SGCD: variants seen among roughly 807,000 people sequenced by gnomAD.
The protein encoded by SGCD is sarcoglycan delta.
In SGCD, 18 loss-of-function variants were observed where a neutral mutation model predicts 36.6. The observed-to-expected ratio is 0.49, with a 90% confidence interval of 0.34 to 0.73. The LOEUF is 0.73. SGCD is among the 30% of genes least tolerant of loss of function. The pLI is 0.01. For missense variants in SGCD, 387 were observed against 346.7 expected, an observed-to-expected ratio of 1.12 and a Z score of -0.92; for synonymous variants, 133 against 130.6, an observed-to-expected ratio of 1.02 and a Z score of -0.12.
At chr5:156,309,976 A>G (rs892030455) in intron 3 of SGCD, among the ~76,000 whole-genome samples, 5 of 152,138 alleles carry the variant, frequency 3.3e-5, no homozygotes, top group Non-Finnish European at 7.3e-5. Flanking sequence ...TCTAATAATG[A>G]GGAAAATCTG....
chr5:155,979,759 G>T (rs1176993745), intron 1 of SGCD, among the ~76,000 whole-genome samples: 1 of 152,142 alleles, frequency 6.6e-6, no homozygotes, highest in Non-Finnish European at 1.5e-5. Context: ...CTGGCAGCTG[G>T]GTGAATGAAT....
intron 3 of SGCD, among the ~76,000 whole-genome samples, chr5:156,182,517 G>GT (rs1763633713): frequency 6.6e-6 from 1 of 152,164 alleles, no homozygotes; most frequent in African/African-American, 2.4e-5. Flanking sequence ...CTTGAGCCCA[G>GT]TATGGGGAGG....
intron 3 of SGCD, among the ~76,000 whole-genome samples, chr5:156,493,235 G>A (rs1756026740): frequency 6.6e-6 from 1 of 152,076 alleles, no homozygotes; most frequent in Non-Finnish European, 1.5e-5. Context: ...TATTACTTCA[G>A]ACACTTAGTT....
chr5:156,723,073 G>A (rs17053843), intron 7 of SGCD, among the ~76,000 whole-genome samples: 5,478 of 152,268 alleles, frequency 0.036, 123 homozygotes, highest in South Asian at 0.059. Context: ...CCTAGAGAGG[G>A]TTAAAAGCTT....
intron 3 of SGCD, among the ~76,000 whole-genome samples, chr5:156,397,581 C>T (rs1771928193): frequency 6.6e-6 from 1 of 152,102 alleles, no homozygotes; most frequent in Non-Finnish European, 1.5e-5. Context: ...CCACACTGGG[C>T]AGTTGGACGT....
At chr5:156,739,374 T>C (rs1756548293) in intron 7 of SGCD, among the ~76,000 whole-genome samples, 1 of 152,164 alleles carries the variant, frequency 6.6e-6, no homozygotes, top group African/African-American at 2.4e-5. Context: ...ATAAACCAAG[T>C]AGAATTATCA....
At chr5:156,629,331 T>A (rs1762545529) in intron 6 of SGCD, among the ~76,000 whole-genome samples, 1 of 152,094 alleles carries the variant, frequency 6.6e-6, no homozygotes, top group Non-Finnish European at 1.5e-5. Flanking sequence ...TGATAATAAA[T>A]GGGAAGAAAG....
At chr5:156,290,981 A>G (rs879683273) in intron 3 of SGCD, among the ~76,000 whole-genome samples, 1 of 152,060 alleles carries the variant, frequency 6.6e-6, no homozygotes, top group Non-Finnish European at 1.5e-5. Context: ...TAGTTCTAGG[A>G]CCCCTGTGGA....
At chr5:155,797,596 A>G in the SGCD span, among the ~76,000 whole-genome samples, 1 of 152,216 alleles carries the variant, frequency 6.6e-6, no homozygotes, top group Non-Finnish European at 1.5e-5. Context: ...TCCTTGGATG[A>G]TAAATGTATA....
rs371421551 is a variant in SGCD at position 156,342,153 on chromosome 5, T to A, written c.4-2336T>A. Among the ~76,000 whole-genome samples the A allele has an allele frequency of 1.8e-4, 28 of 152,360 alleles. No homozygotes were observed. The East Asian group carries it at 5.0e-3, about 27-fold the overall frequency. ...CAAGAAATCACAAGCATGCTACCTA[T>A]ACCTCCATCCTCTTATAAACATTTA... On this transcript the variant is annotated intron_variant, in intron 2 of 8. Coordinates refer to ENST00000337851, the MANE Select transcript of SGCD (RefSeq NM_000337.6).
At chr5:155,895,703 A>G (rs934800802) in intron 1 of SGCD, among the ~76,000 whole-genome samples, 44 of 149,572 alleles carry the variant, frequency 2.9e-4, no homozygotes, top group African/African-American at 1.0e-3. Flanking sequence ...AAAAAAAAAC[A>G]TGAAGAACAC....
intron 4 of SGCD, among the ~76,000 whole-genome samples, chr5:156,576,870 TG>T (rs1265510291): frequency 2.6e-5 from 4 of 152,230 alleles, no homozygotes; most frequent in African/African-American, 9.6e-5. Context: ...GTAGGTTACC[TG>T]TTCACTCTGA....
chr5:156,308,705 C>G (rs932703653), intron 3 of SGCD, among the ~76,000 whole-genome samples: 7 of 152,150 alleles, frequency 4.6e-5, no homozygotes, highest in Non-Finnish European at 1.0e-4. Flanking sequence ...CCCACCAGGT[C>G]CCTCACCTGA....
chr5:156,712,636 A>G (rs917690435), intron 7 of SGCD, among the ~76,000 whole-genome samples: 2 of 152,208 alleles, frequency 1.3e-5, no homozygotes, highest in African/African-American at 4.8e-5. Context: ...GAAACACTAG[A>G]GGCAAGGTCT....
chr5:156,138,084 C>T (rs570550128), intron 3 of SGCD, among the ~76,000 whole-genome samples: 19 of 152,232 alleles, frequency 1.2e-4, no homozygotes, highest in African/African-American at 4.3e-4. Flanking sequence ...ACTGAGGCCG[C>T]CAGTGTTCTG....
chr5:156,106,128 A>G (rs1581102298), intron 1 of SGCD, among the ~76,000 whole-genome samples: 1 of 150,582 alleles, frequency 6.6e-6, no homozygotes. Context: ...AAAAAAAAAA[A>G]AAAAAAAAAA....
At chr5:156,237,033 C>T (rs1765183388) in intron 3 of SGCD, among the ~76,000 whole-genome samples, 1 of 151,594 alleles carries the variant, frequency 6.6e-6, no homozygotes, top group Admixed American at 6.6e-5. Context: ...TGGAGTTTCA[C>T]CATGTTGGCC....
chr5:156,482,838 T>TTTTTA (rs1755498340), intron 3 of SGCD, among the ~76,000 whole-genome samples: 2 of 146,940 alleles, frequency 1.4e-5, no homozygotes, highest in South Asian at 4.5e-4. Flanking sequence ...TTTTTTTTTT[T>TTTTTA]AAGTAAGCTG....
intron 6 of SGCD, among the ~76,000 whole-genome samples, chr5:156,647,183 T>C (rs961068556): frequency 1.3e-5 from 2 of 152,192 alleles, no homozygotes; most frequent in Middle Eastern, 3.2e-3. Flanking sequence ...TTACCATTTC[T>C]AGGCATCTTT....
Sources: gnomAD v4.1 joint callset for allele counts (sites outside exome capture counted in the v4.1 genomes callset) on GRCh38, gnomAD v4.1.1 for gene constraint, MANE v1.5 for transcripts, NCBI Gene and HGNC (gene_info 2026-07-23, HGNC 2026-07-21) for gene names.